EFCAB10: variants seen among roughly 807,000 people sequenced by gnomAD.
EFCAB10 encodes the protein EF-hand calcium-binding domain-containing protein 10.
Under a neutral mutation model 7.7 loss-of-function variants are expected in EFCAB10, and 7 were observed. That is an observed-to-expected ratio of 0.91 (90% CI 0.52 to 1.72). The LOEUF is 1.72. Among genes scored for constraint, EFCAB10 ranks in the 40% most tolerant of loss-of-function variants. The probability of loss-of-function intolerance (pLI) is 0.00; values close to 1 mark genes in which losing one functional copy is unlikely to be tolerated. For missense variants in EFCAB10, 112 were observed against 61.5 expected (o/e 1.82, Z -2.74); for synonymous variants, 52 against 21.0 (o/e 2.47, Z -4.03).
chr7:105,565,598 TTTCCC>T (rs1562862354), intron 4 of EFCAB10, 151 bp from the exon 5 acceptor site: 1 of 1,613,826 alleles, frequency 6.2e-7, no homozygotes, highest in East Asian at 2.2e-5. Context: ...CTCGGAATCT[TTTCCC>T]TTTGTTTTCT....
Position 105,567,186 on chromosome 7 carries a change from C to T in EFCAB10, c.383+281G>A, listed in dbSNP as rs1294898146. 3 of 1,611,400 alleles carry T rather than the reference C, an allele frequency of 1.9e-6. No homozygotes were observed. The highest frequency in any genetic ancestry group is 1.7e-6 in the Non-Finnish European group (2 of 1,179,294). ...TGCACTACTGCTGAAAGATGTACTG[C>T]AGTCAGCTTCAGGGCAGCTTCCTGC... On this transcript the variant is annotated intron_variant, in intron 4 of 4. Transcript: ENST00000480514.
chr7:105,569,314 A>G, intron 2 of EFCAB10, 24 bp from the exon 3 acceptor site: 2 of 695,632 alleles, frequency 2.9e-6, no homozygotes, highest in South Asian at 3.1e-5. Flanking sequence ...AGAAGAAATG[A>G]AGTGAGAATT....
At chr7:105,571,893 TG>T (rs1474731480) in intron 1 of EFCAB10, 1 of 152,234 alleles carries the variant, frequency 6.6e-6, no homozygotes. Flanking sequence ...TGCATTGACA[TG>T]GTTAAATTCC....
chr7:105,580,324 C>T (rs1261897870), intron 1 of EFCAB10, among the ~76,000 whole-genome samples: 2 of 152,042 alleles, frequency 1.3e-5, no homozygotes, highest in East Asian at 3.9e-4. Flanking sequence ...GCATGCGCTA[C>T]CACACCCGGC....
At chr7:105,575,171 A>G (rs1165124768) in intron 1 of EFCAB10, among the ~76,000 whole-genome samples, 2 of 151,730 alleles carry the variant, frequency 1.3e-5, no homozygotes, top group East Asian at 3.9e-4. Context: ...CACTATCACA[A>G]GAACAGCATG....
intron 1 of EFCAB10, chr7:105,573,426 T>C (rs987617413): frequency 1.3e-5 from 2 of 152,220 alleles, no homozygotes; most frequent in Non-Finnish European, 2.9e-5. Flanking sequence ...ACCACTTTGA[T>C]GAAAATCCAA....
chr7:105,566,955 GTA>G (rs1434083976), intron 4 of EFCAB10: 2 of 425,180 alleles, frequency 4.7e-6, no homozygotes, highest in African/African-American at 4.1e-5. Flanking sequence ...CTGCACCTGT[GTA>G]GTCTTACCAT....
At chr7:105,569,875 T>C (rs1350157017) in intron 1 of EFCAB10, among the ~76,000 whole-genome samples, 3 of 151,694 alleles carry the variant, frequency 2.0e-5, no homozygotes, top group Non-Finnish European at 4.4e-5. Flanking sequence ...ACCAAAAACA[T>C]AGAGGGAACA....
chr7:105,578,327 G>A (rs1792138418), intron 1 of EFCAB10, among the ~76,000 whole-genome samples: 1 of 152,136 alleles, frequency 6.6e-6, no homozygotes, highest in Non-Finnish European at 1.5e-5. Context: ...AAATTCTCAA[G>A]AGAATCTGCA....
At chr7:105,573,675 T>C (rs1792002123) in intron 1 of EFCAB10, 2 of 152,164 alleles carry the variant, frequency 1.3e-5, no homozygotes, top group Non-Finnish European at 2.9e-5. Context: ...AATGTTCAGG[T>C]TCAACATCTT....
chr7:105,580,486 ATTTTTAT>A (rs1014766685), intron 1 of EFCAB10, among the ~76,000 whole-genome samples: 1 of 151,446 alleles, frequency 6.6e-6, no homozygotes, highest in African/African-American at 2.4e-5. Flanking sequence ...TTTTATTTTT[ATTTTTAT>A]TTTTGAGATA....
intron 1 of EFCAB10, 48 bp downstream of exon 1, chr7:105,581,310 C>T (rs1792229004): frequency 2.9e-6 from 2 of 695,340 alleles, no homozygotes; most frequent in African/African-American, 3.5e-5. Context: ...GTGTGGGAAG[C>T]GAACCCCACA....
At chr7:105,568,223 A>G (rs978730085) in intron 3 of EFCAB10, among the ~76,000 whole-genome samples, 1 of 152,184 alleles carries the variant, frequency 6.6e-6, no homozygotes, top group African/African-American at 2.4e-5. Flanking sequence ...TTATGAGACA[A>G]AAGTCTCAAA....
intron 1 of EFCAB10, chr7:105,572,257 T>A (rs1370185805): frequency 1.1e-4 from 16 of 152,228 alleles, no homozygotes; most frequent in Admixed American, 1.0e-3. Flanking sequence ...TTTTATGAGT[T>A]TGACTTTTTC....
chr7:105,569,858 G>T (rs144275660), intron 1 of EFCAB10, among the ~76,000 whole-genome samples: 99 of 152,104 alleles, frequency 6.5e-4, no homozygotes, highest in Middle Eastern at 6.8e-3. Context: ...TGCAGACAGG[G>T]TTGAAAACCA....
At chr7:105,576,859 G>A (rs938221827) in intron 1 of EFCAB10, among the ~76,000 whole-genome samples, 3 of 152,172 alleles carry the variant, frequency 2.0e-5, no homozygotes, top group African/African-American at 7.2e-5. Flanking sequence ...TTCGAGACCA[G>A]TCTGGACAAC....
intron 1 of EFCAB10, among the ~76,000 whole-genome samples, chr7:105,578,857 C>CTACTT (rs1792151576): frequency 6.6e-6 from 1 of 152,210 alleles, no homozygotes; most frequent in African/African-American, 2.4e-5. Flanking sequence ...ACTGTAACCT[C>CTACTT]TACTTCCCAG....
In EFCAB10 at chr7:105,576,442, C is replaced by CATTATTATT. The variant is rs147143192; in HGVS notation, c.106+4915_106+4916insAATAATAAT. Among the ~76,000 whole-genome samples, 2 of 151,864 alleles carry CATTATTATT rather than the reference C, an allele frequency of 1.3e-5. 1 individual carries two copies. The highest frequency in any genetic ancestry group is 3.9e-4 in the East Asian group (2 of 5,130). Reference sequence around the variant, plus strand: ...TAAAGATATTTTAAGGAATTCTCATCATCATTATTATTATTATTAAGACAG... The same window carrying CATTATTATT: ...TAAAGATATTTTAAGGAATTCTCATCATTATTATTATCATTATTATTATTATTAAGACAG... On this transcript the variant is annotated intron_variant, in intron 1 of 4. Coordinates refer to ENST00000480514, the MANE Select transcript of EFCAB10 (RefSeq NM_001355526.2).
At chr7:105,567,059 G>C (rs1586277832) in intron 4 of EFCAB10, 1 of 1,079,452 alleles carries the variant, frequency 9.3e-7, no homozygotes, top group African/African-American at 1.6e-5. Context: ...TCTCAAAATT[G>C]TAATATAATT....
Sources: allele counts gnomAD v4.1 joint callset (sites outside exome capture counted in the v4.1 genomes callset), GRCh38; gene constraint gnomAD v4.1.1; transcripts MANE v1.5; gene names NCBI Gene and HGNC (gene_info 2026-07-23, HGNC 2026-07-21).